Variants in PTPRD observed in about 807,000 individuals in gnomAD.
The protein encoded by PTPRD is protein tyrosine phosphatase receptor type D.
Under a neutral mutation model 214.5 loss-of-function variants are expected in PTPRD, and 34 were observed. That is an observed-to-expected ratio of 0.16 (90% CI 0.12 to 0.21). PTPRD has a LOEUF of 0.21. Among genes scored for constraint, PTPRD ranks in the 10% least tolerant of loss-of-function variants. PTPRD has a pLI of 1.00. For missense variants in PTPRD, 2,545 were observed against 2,398.7 expected, an observed-to-expected ratio of 1.06 and a Z score of -1.27; for synonymous variants, 1,128 against 845.7, an observed-to-expected ratio of 1.33 and a Z score of -5.79.
chr9:9,733,652 C>A (rs1467132751), intron 7 of PTPRD, among the ~76,000 whole-genome samples: 1 of 152,096 alleles, frequency 6.6e-6, no homozygotes, highest in Non-Finnish European at 1.5e-5. Context: ...TAATGGAGTA[C>A]AAGATTGTAT....
At chr9:9,464,028 C>T (rs769337739) in intron 8 of PTPRD, among the ~76,000 whole-genome samples, 2 of 152,168 alleles carry the variant, frequency 1.3e-5, no homozygotes, top group Non-Finnish European at 2.9e-5. Context: ...CCTGTTTTCT[C>T]AAACATGGTT....
At chr9:10,462,289 G>T (rs2098964719) in intron 2 of PTPRD, among the ~76,000 whole-genome samples, 1 of 151,898 alleles carries the variant, frequency 6.6e-6, no homozygotes, top group Non-Finnish European at 1.5e-5. Flanking sequence ...TATGAATATT[G>T]GTCATTTCCT....
intron 12 of PTPRD, among the ~76,000 whole-genome samples, chr9:8,691,467 G>A: frequency 6.8e-6 from 1 of 147,048 alleles, no homozygotes; most frequent in Admixed American, 6.9e-5. Flanking sequence ...GATAAAGAGA[G>A]TAGCAGCAAC....
chr9:9,910,891 C>A (rs1271801378), intron 5 of PTPRD, among the ~76,000 whole-genome samples: 1 of 151,956 alleles, frequency 6.6e-6, no homozygotes, highest in Non-Finnish European at 1.5e-5. Flanking sequence ...TTGTCAAAAC[C>A]CAACAATCAT....
intron 11 of PTPRD, among the ~76,000 whole-genome samples, chr9:8,876,784 CAAGT>C (rs1314288593): frequency 6.6e-6 from 1 of 152,116 alleles, no homozygotes; most frequent in Non-Finnish European, 1.5e-5. Flanking sequence ...ATTAAAAATG[CAAGT>C]AAGTTTGCAA....
At chr9:9,841,557 C>T (rs1335827805) in intron 5 of PTPRD, among the ~76,000 whole-genome samples, 1 of 152,118 alleles carries the variant, frequency 6.6e-6, no homozygotes, top group African/African-American at 2.4e-5. Context: ...AATATATACG[C>T]TAGAACATGG....
intron 10 of PTPRD, among the ~76,000 whole-genome samples, chr9:9,044,570 G>A (rs1302667033): frequency 6.6e-6 from 1 of 152,168 alleles, no homozygotes; most frequent in Non-Finnish European, 1.5e-5. Flanking sequence ...AGTGTAAAAA[G>A]AGTGGCTGTC....
intron 11 of PTPRD, among the ~76,000 whole-genome samples, chr9:8,998,808 A>ATG (rs141804945): frequency 0.061 from 9,319 of 152,146 alleles, 331 homozygotes; most frequent in Middle Eastern, 0.1. Context: ...GTTAAGGCCA[A>ATG]AATATCAACA....
At chr9:10,412,633 AACACAC>A (rs150312961) in intron 2 of PTPRD, among the ~76,000 whole-genome samples, 100,960 of 147,728 alleles carry the variant, frequency 0.68, 35,768 homozygotes, top group Non-Finnish European at 0.79. Context: ...CACACACACA[AACACAC>A]ACACACACAC....
At chr9:10,456,996 A>G (rs1451116941) in intron 2 of PTPRD, among the ~76,000 whole-genome samples, 2 of 151,946 alleles carry the variant, frequency 1.3e-5, no homozygotes, top group African/African-American at 4.8e-5. Flanking sequence ...ATTACTTATA[A>G]AAGCCAAAAT....
chr9:10,372,021 A>C (rs559405351), intron 2 of PTPRD, among the ~76,000 whole-genome samples: 1 of 152,176 alleles, frequency 6.6e-6, no homozygotes, highest in African/African-American at 2.4e-5. Context: ...CACAGTGGGG[A>C]GTAGGGCACA....
intron 2 of PTPRD, among the ~76,000 whole-genome samples, chr9:10,341,596 G>C (rs2096940502): frequency 6.6e-6 from 1 of 151,948 alleles, no homozygotes; most frequent in Non-Finnish European, 1.5e-5. Flanking sequence ...AGAATGGTCA[G>C]TATGCAAAAA....
chr9:8,522,598 G>A (rs2097913336), intron 19 of PTPRD, among the ~76,000 whole-genome samples: 1 of 152,152 alleles, frequency 6.6e-6, no homozygotes, highest in Non-Finnish European at 1.5e-5. Flanking sequence ...ATTAAGAGAA[G>A]AGATCATATT....
chr9:8,794,685 T>C (rs1370508319), intron 11 of PTPRD, among the ~76,000 whole-genome samples: 1 of 152,034 alleles, frequency 6.6e-6, no homozygotes, highest in Non-Finnish European at 1.5e-5. Flanking sequence ...CCCCCTAAAA[T>C]GAGAAATAAA....
intron 2 of PTPRD, among the ~76,000 whole-genome samples, chr9:10,550,558 T>G (rs2061097326): frequency 6.6e-6 from 1 of 152,182 alleles, no homozygotes; most frequent in Non-Finnish European, 1.5e-5. Context: ...TACCTCAGAA[T>G]TACCACACTG....
rs537305784 is a variant in PTPRD, at chr9:9,101,761, G to A, written c.-143+81543C>T. ...AAATACCCATATGATTAACCCACAT[G>A]TATAGTAATTGAGAATATTTTTACT... On this transcript the variant is annotated intron_variant, in intron 10 of 45. Coordinates refer to ENST00000381196, the MANE Select transcript of PTPRD (RefSeq NM_002839.4). Among the ~76,000 whole-genome samples, 70 of 152,262 alleles carry A rather than the reference G, an allele frequency of 4.6e-4. 1 individual carries two copies. The highest frequency in any genetic ancestry group is 1.6e-3 in the African/African-American group (68 of 41,568).
chr9:8,710,429 A>G (rs1472026590), intron 12 of PTPRD, among the ~76,000 whole-genome samples: 1 of 152,150 alleles, frequency 6.6e-6, no homozygotes, highest in African/African-American at 2.4e-5. Flanking sequence ...CAGCCTGGGC[A>G]ACATGGCAAA....
chr9:10,534,361 A>G (rs2057231185), intron 2 of PTPRD, among the ~76,000 whole-genome samples: 1 of 152,062 alleles, frequency 6.6e-6, no homozygotes, highest in South Asian at 2.1e-4. Context: ...TACTTCACCC[A>G]TTATTAACTT....
intron 2 of PTPRD, among the ~76,000 whole-genome samples, chr9:10,582,018 G>A (rs561125797): frequency 2.0e-4 from 30 of 152,176 alleles, no homozygotes; most frequent in Admixed American, 5.2e-4. Flanking sequence ...GGAAATTTGG[G>A]GGATAATAAG....
Sources: gnomAD v4.1 joint callset for allele counts (sites outside exome capture counted in the v4.1 genomes callset) on GRCh38, gnomAD v4.1.1 for gene constraint, MANE v1.5 for transcripts, NCBI Gene and HGNC (gene_info 2026-07-23, HGNC 2026-07-21) for gene names.